The following OPRM1 variants were observed in gnomAD, a reference collection of about 807,000 sequenced individuals.
OPRM1 encodes mu-type opioid receptor.
Under a neutral mutation model 31.8 loss-of-function variants are expected in OPRM1, and 27 were observed. The observed-to-expected ratio is 0.85, with a 90% CI of 0.63 to 1.17. The LOEUF is 1.17. Ranked by LOEUF, OPRM1 falls within the 50% of genes most tolerant of loss-of-function variation. The pLI, the probability that OPRM1 is intolerant of heterozygous loss-of-function variation, is 0.00. For synonymous variants in OPRM1, 196 were observed against 189.9 expected, an observed-to-expected ratio of 1.03 and a Z score of -0.26; for missense variants, 536 against 511.1, an observed-to-expected ratio of 1.05 and a Z score of -0.47.
At chr6:154,173,946 G>A (rs1231048642) in intron 3 of OPRM1, among the ~76,000 whole-genome samples, 2 of 152,156 alleles carry the variant, frequency 1.3e-5, no homozygotes, top group Non-Finnish European at 2.9e-5. Context: ...CCTACAAAGG[G>A]AAGCCCATCA....
chr6:154,017,071 A>T (rs1426244629), intron 1 of OPRM1, among the ~76,000 whole-genome samples: 3 of 152,108 alleles, frequency 2.0e-5, no homozygotes, highest in Non-Finnish European at 4.4e-5. Context: ...CACAAAATTG[A>T]CTTATCTCCC....
At chr6:154,023,966 A>G (rs1466079611) in intron 1 of OPRM1, among the ~76,000 whole-genome samples, 4 of 152,020 alleles carry the variant, frequency 2.6e-5, no homozygotes, top group African/African-American at 9.7e-5. Flanking sequence ...GGATTTTTGC[A>G]TCAGTGTTCA....
intron 1 of OPRM1, among the ~76,000 whole-genome samples, chr6:154,041,513 G>A (rs1366092035): frequency 5.9e-5 from 9 of 151,898 alleles, no homozygotes; most frequent in Admixed American, 5.9e-4. Flanking sequence ...AAGCTAGAAG[G>A]GACTCTAGAG....
intron 1 of OPRM1, among the ~76,000 whole-genome samples, chr6:154,042,957 A>C (rs1398086300): frequency 1.3e-5 from 2 of 152,238 alleles, no homozygotes; most frequent in African/African-American, 4.8e-5. Flanking sequence ...AAAAAGTAAC[A>C]GCCACCAGAG....
chr6:154,223,658 T>C (rs1779036883), intron 3 of OPRM1, among the ~76,000 whole-genome samples: 1 of 152,242 alleles, frequency 6.6e-6, no homozygotes, highest in Admixed American at 6.5e-5. Flanking sequence ...GCATTCTTGA[T>C]ATATATGGTG....
At chr6:154,186,548 T>C (rs1801366940) in intron 3 of OPRM1, among the ~76,000 whole-genome samples, 1 of 151,284 alleles carries the variant, frequency 6.6e-6, no homozygotes, top group Admixed American at 6.6e-5. Context: ...AGCAGCTCCT[T>C]TCTTTCTTTT....
rs1799971 is a variant in OPRM1 at position 154,039,662 on chromosome 6, A to G, written c.118A>G (p.Asn40Asp). The G allele has an allele frequency of 0.15, 243,552 of 1,613,692 alleles. 23,773 individuals carry two copies. The highest frequency in any genetic ancestry group is 0.41 in the East Asian group (18,380 of 44,820). ...GGTCAACTTGTCCCACTTAGATGGC[A>G]ACCTGTCCGACCCATGCGGTCCGAA... Reference protein sequence around the residue: ...SWVNLSHLDGNLSDPCGPNRT... With the variant: ...SWVNLSHLDGDLSDPCGPNRT... Residue 40 changes from asparagine (N) to aspartate (D), a missense_variant, in exon 1 of 4, where the codon AAC becomes GAC. Asn to Asp is a conservative substitution (Grantham distance 23). Coordinates refer to ENST00000330432, the MANE Select transcript of OPRM1 (RefSeq NM_000914.5).
At chr6:154,089,294 A>T (rs567719272) in intron 1 of OPRM1, among the ~76,000 whole-genome samples, 7 of 152,216 alleles carry the variant, frequency 4.6e-5, no homozygotes, top group African/African-American at 1.4e-4. Flanking sequence ...AAAAAAAAAA[A>T]TTAAAACCCT....
chr6:154,167,041 C>T (rs1799496295), intron 3 of OPRM1, among the ~76,000 whole-genome samples: 1 of 152,208 alleles, frequency 6.6e-6, no homozygotes, highest in African/African-American at 2.4e-5. Context: ...CTAAGAGCCA[C>T]TCAGCCTGCC....
intron 1 of OPRM1, among the ~76,000 whole-genome samples, chr6:154,062,587 C>T (rs1162135208): frequency 6.6e-6 from 1 of 151,978 alleles, no homozygotes; most frequent in African/African-American, 2.4e-5. Flanking sequence ...TCTCAATAAG[C>T]TTCTTTCTGT....
At chr6:154,175,077 G>A (rs1415860804) in intron 3 of OPRM1, among the ~76,000 whole-genome samples, 1 of 152,132 alleles carries the variant, frequency 6.6e-6, no homozygotes, top group Non-Finnish European at 1.5e-5. Context: ...TGACTACTGG[G>A]TAAATAACAA....
chr6:154,032,294 T>C (rs986357124), intron 1 of OPRM1, among the ~76,000 whole-genome samples: 4 of 152,186 alleles, frequency 2.6e-5, no homozygotes, highest in African/African-American at 4.8e-5. Context: ...AAAAGTCTTA[T>C]AAAGTAAGCA....
At chr6:154,179,744 T>C (rs1033260813) in intron 3 of OPRM1, among the ~76,000 whole-genome samples, 6 of 152,218 alleles carry the variant, frequency 3.9e-5, no homozygotes, top group African/African-American at 1.2e-4. Flanking sequence ...GGAAAAACAG[T>C]AAGTGATCTT....
chr6:154,018,446 G>A (rs953354050), intron 1 of OPRM1, among the ~76,000 whole-genome samples: 7 of 150,164 alleles, frequency 4.7e-5, no homozygotes, highest in Non-Finnish European at 7.4e-5. Context: ...ACAAAAAGAA[G>A]AAAATATACA....
intron 3 of OPRM1, among the ~76,000 whole-genome samples, chr6:154,100,298 T>TTATCATATTATAA (rs1173768569): frequency 6.8e-6 from 1 of 146,320 alleles, no homozygotes; most frequent in African/African-American, 2.5e-5. Context: ...ATAATATATA[T>TTATCATATTATAA]CAAAAAGTCA....
exon 1 of OPRM1, chr6:154,010,789 C>T (rs766205362): frequency 3.1e-5 from 43 of 1,407,864 alleles, no homozygotes; most frequent in Non-Finnish European, 4.0e-5. Flanking sequence ...GTGGATGTGG[C>T]AGAACTGGGC....
At position 154,125,011 on chromosome 6, in the gene OPRM1, A is replaced by G. The variant is rs1797508418; in HGVS notation, c.*6290A>G. ...CAGGACCTACCAAAGGCCACAGCCAAGCACAAGCAGCTACATTAGACAGTT... is the reference window on the plus strand; with the variant it reads ...CAGGACCTACCAAAGGCCACAGCCAGGCACAAGCAGCTACATTAGACAGTT... On this transcript the variant is annotated 3_prime_UTR_variant, in exon 4 of 4. Transcript: ENST00000330432. Among the ~76,000 whole-genome samples the G allele has an allele frequency of 1.3e-5, 2 of 152,218 alleles. No individual in the cohort carries two copies. Among genetic ancestry groups the G allele is most frequent in the South Asian group, 4.1e-4 (2 of 4,834 alleles).
At chr6:154,030,026 A>G (rs1310662111) in intron 1 of OPRM1, among the ~76,000 whole-genome samples, 1 of 151,868 alleles carries the variant, frequency 6.6e-6, no homozygotes, top group Non-Finnish European at 1.5e-5. Context: ...CCCAAGCCGT[A>G]TTGAACTGTG....
At position 154,182,628 on chromosome 6, in the gene OPRM1, G is replaced by A. The variant is rs141910913; in HGVS notation, c.1165-64065G>A. ...GTACATACAAAAAAGATATTTGATC[G>A]CCTTTTTTTCTTCTTAAAATACGTT... On this transcript the variant is annotated intron_variant, in intron 3 of 3. Coordinates refer to the OPRM1 transcript ENST00000337049. 1.6e-3 allele frequency among the ~76,000 whole-genome samples: 237 copies of A among 152,212 alleles called. 1 individual carries two copies. The highest frequency in any genetic ancestry group is 5.2e-3 in the African/African-American group (217 of 41,532).
Sources: gnomAD v4.1 joint callset for allele counts (sites outside exome capture counted in the v4.1 genomes callset) on GRCh38, gnomAD v4.1.1 for gene constraint, MANE v1.5 for transcripts, NCBI Gene and HGNC (gene_info 2026-07-23, HGNC 2026-07-21) for gene names.